Variants in CUBN observed in about 807,000 individuals in gnomAD.
CUBN encodes cubilin, also known as 460 kDa receptor.
Under a neutral mutation model 405.3 loss-of-function variants are expected in CUBN, and 282 were observed. The observed-to-expected ratio is 0.70, with a 90% CI of 0.63 to 0.77. The LOEUF (loss-of-function observed/expected upper bound fraction) is 0.77, where lower values mean the gene tolerates loss of function less well. Ranked by LOEUF, CUBN falls within the 30% of genes least tolerant of loss-of-function variation. CUBN has a pLI of 0.00. For synonymous variants in CUBN, 1,684 were observed against 1,617.0 expected (o/e 1.04, Z -0.99); for missense variants, 4,514 against 4,475.2 (o/e 1.01, Z -0.25).
chr10:16,901,513 A>T (rs1374794935), intron 51 of CUBN, 54 bp from the exon 52 acceptor site: 4 of 1,606,558 alleles, frequency 2.5e-6, no homozygotes, highest in Non-Finnish European at 3.4e-6. Flanking sequence ...AAAAGAACCG[A>T]TAATGCCAAA....
chr10:16,920,353 A>G lies in CUBN; in HGVS notation c.6647-216T>C, dbSNP rs11254275. On this transcript the variant is annotated intron_variant, in intron 43 of 66. Coordinates refer to ENST00000377833, the MANE Select transcript of CUBN (RefSeq NM_001081.4). ...TTTTATTTTGCCAGACCATTTATCT[A>G]TTCTCATTGGAAATTTCATTCTTTC... Among the ~76,000 whole-genome samples, 45,811 of 152,056 alleles carry G rather than the reference A, an allele frequency of 0.3. 7,173 individuals carry two copies. The highest frequency in any genetic ancestry group is 0.33 in the Non-Finnish European group (22,349 of 67,980).
rs555624198 is a variant in CUBN, at chr10:16,915,127, A to G, written c.7256T>C (p.Ile2419Thr). 2 of 1,614,030 alleles carry G rather than the reference A, an allele frequency of 1.2e-6. No homozygotes were observed. The highest frequency in any genetic ancestry group is 2.2e-5 in the East Asian group (1 of 44,880). The stretch of plus-strand genomic sequence containing the variant: ...CACAGCAGTATTGCTAGAAGTGTCT[A>G]TGCTGTCAGGAATGGTGTTTCCACA... The part of the protein sequence containing the change: ...RYCGNTIPDS[I>T]DTSSNTAVVR... Residue 2419 changes from isoleucine to threonine, a missense_variant, in exon 47 of 67, where the codon ATA (isoleucine) becomes ACA (threonine). This residue lies in a region of CUBN where 1,613 missense variants were observed against 1,542.8 expected (regional missense o/e 1.05). Coordinates refer to ENST00000377833, the MANE Select transcript of CUBN (RefSeq NM_001081.4).
chr10:16,916,625 A>G (rs1439418465), intron 45 of CUBN, among the ~76,000 whole-genome samples: 1 of 152,094 alleles, frequency 6.6e-6, no homozygotes, highest in East Asian at 1.9e-4. Flanking sequence ...GTAGTTAAAC[A>G]TTGTTACCAC....
intron 22 of CUBN, among the ~76,000 whole-genome samples, chr10:17,057,256 G>A (rs1000590738): frequency 2.0e-5 from 3 of 152,166 alleles, no homozygotes; most frequent in Non-Finnish European, 2.9e-5. Context: ...GAGGGTAGCA[G>A]CTTGGCGCAG....
chr10:17,011,438 C>T (rs930639572), intron 28 of CUBN, among the ~76,000 whole-genome samples: 27 of 151,942 alleles, frequency 1.8e-4, no homozygotes, highest in Admixed American at 7.2e-4. Flanking sequence ...TTGTTCCTCC[C>T]GGTGGGTTCG....
In CUBN at chr10:17,046,004, C is replaced by G; in HGVS notation, c.3420G>C (p.Trp1140Cys). The G allele has an allele frequency of 3.7e-6, 6 of 1,613,760 alleles. No individual in the cohort carries two copies. The highest frequency in any genetic ancestry group is 5.1e-6 in the Non-Finnish European group (6 of 1,179,746). The change falls in exon 24 of 67, where the codon TGG becomes TGC. Residue 1140 changes from tryptophan (W) to cysteine (C), a missense_variant. Trp to Cys is a radical substitution (Grantham distance 215). This residue lies in a region of CUBN where 1,448 missense variants were observed against 1,388.0 expected (regional missense o/e 1.04). Coordinates refer to ENST00000377833, the MANE Select transcript of CUBN (RefSeq NM_001081.4). Reference sequence around the variant, plus strand: ...CTATTTGGTCACTCTTAAATTTTAACCATAGTTTGTTACTATGAGAGATGA... The same window carrying G: ...CTATTTGGTCACTCTTAAATTTTAAGCATAGTTTGTTACTATGAGAGATGA... ...PTIISHSNKL[W>C]LKFKSDQIDT...
chr10:17,047,434 A>G lies in CUBN; in HGVS notation c.3309T>C (p.Tyr1103=), dbSNP rs996206372. ...CTGACCTGATTTCCAGAAAATCTGT[A>G]TAATAGTTTCCAATGGCTTCCTCCA... is the stretch of plus-strand genomic sequence containing the variant. ...FSLEEAIGNY[Y]TDFLEIRDGG... The change falls in exon 23 of 67, where the codon TAT becomes TAC. Residue 1103 remains tyrosine (Y), a synonymous_variant. Coordinates refer to ENST00000377833, the MANE Select transcript of CUBN (RefSeq NM_001081.4). 5 of 1,613,574 alleles carry G rather than the reference A, an allele frequency of 3.1e-6. No individual in the cohort carries two copies. Among genetic ancestry groups the G allele is most frequent in the Non-Finnish European group, 2.5e-6 (3 of 1,179,516 alleles).
chr10:16,842,572 G>A (rs531253977), intron 60 of CUBN, among the ~76,000 whole-genome samples: 1 of 151,984 alleles, frequency 6.6e-6, no homozygotes, highest in African/African-American at 2.4e-5. Context: ...ATCCCAGAGG[G>A]CTCCATCTCC....
At chr10:16,889,953 A>AAAAG (rs57009841) in intron 55 of CUBN, among the ~76,000 whole-genome samples, 57,402 of 117,242 alleles carry the variant, frequency 0.49, 16,964 homozygotes, top group Middle Eastern at 0.64. Flanking sequence ...AAAAAAAAAA[A>AAAAG]CAGGAAAGAC....
chr10:16,913,883 TC>T lies in CUBN; in HGVS notation c.7460del (p.Gly2487GlufsTer6). On this transcript the variant is annotated frameshift_variant, in exon 48 of 67. Coordinates refer to ENST00000377833, the MANE Select transcript of CUBN (RefSeq NM_001081.4). LOFTEE classifies it high-confidence loss of function. Reference sequence around the variant, plus strand: ...TGTTAAACATTAGGGTGATCCGCCTTCCCTCCGGGGCAGTGATTCTCCACTC... The same window carrying T: ...TGTTAAACATTAGGGTGATCCGCCTTCCTCCGGGGCAGTGATTCTCCACTC... Reference protein sequence around the residue: ...ICEWRITAPEGRRITLMFNNL... With the variant: ...ICEWRITAPEXRRITLMFNNL... 1 of 1,614,082 alleles carries T rather than the reference TC, an allele frequency of 6.2e-7. No individual in the cohort carries two copies. Among genetic ancestry groups the T allele is most frequent in the Non-Finnish European group, 8.5e-7 (1 of 1,180,030 alleles).
intron 14 of CUBN, among the ~76,000 whole-genome samples, chr10:17,093,208 G>T (rs1836302556): frequency 2.0e-5 from 3 of 152,130 alleles, no homozygotes; most frequent in African/African-American, 7.2e-5. Context: ...CCTCAAAAAT[G>T]TACAGGCATT....
intron 22 of CUBN, among the ~76,000 whole-genome samples, chr10:17,047,920 C>T (rs1158955962): frequency 6.6e-6 from 1 of 152,182 alleles, no homozygotes; most frequent in Admixed American, 6.5e-5. Flanking sequence ...GGATCCACTG[C>T]AGGAGGGCCT....
At chr10:16,983,648 A>G (rs1833341103) in intron 30 of CUBN, among the ~76,000 whole-genome samples, 3 of 152,242 alleles carry the variant, frequency 2.0e-5, no homozygotes, top group Admixed American at 2.0e-4. Context: ...GATTTTTGCT[A>G]TAGTTTAAAA....
In CUBN at chr10:16,993,911, T is replaced by A. The variant is rs189500702; in HGVS notation, c.4169-3396A>T. Among the ~76,000 whole-genome samples, 9 of 152,336 alleles carry A rather than the reference T, an allele frequency of 5.9e-5. No homozygotes were observed. The East Asian group carries it at 1.7e-3, about 29-fold the overall frequency. On this transcript the variant is annotated intron_variant, in intron 28 of 66. Transcript: ENST00000377833. ...GCTTGAAATCTCTGAAGTTTTCTTT[T>A]TCTCCTTCATGCTCTCACTACCTCT...
At chr10:16,904,629 TG>T (rs1467445643) in intron 50 of CUBN, among the ~76,000 whole-genome samples, 6 of 152,236 alleles carry the variant, frequency 3.9e-5, no homozygotes, top group African/African-American at 1.2e-4. Flanking sequence ...TTACATTTCG[TG>T]GGTTTGATGA....
At chr10:16,886,252 G>A (rs1457520810) in intron 56 of CUBN, among the ~76,000 whole-genome samples, 1 of 152,184 alleles carries the variant, frequency 6.6e-6, no homozygotes, top group Non-Finnish European at 1.5e-5. Flanking sequence ...TAGGAAAAAG[G>A]ATTAAGTGAG....
intron 26 of CUBN, among the ~76,000 whole-genome samples, chr10:17,042,817 T>C (rs1380537403): frequency 6.6e-6 from 1 of 152,164 alleles, no homozygotes; most frequent in Admixed American, 6.5e-5. Context: ...ACTCTTTCAG[T>C]TAATTCAAGG....
intron 6 of CUBN, among the ~76,000 whole-genome samples, chr10:17,120,905 G>C (rs1837024589): frequency 6.6e-6 from 1 of 152,136 alleles, no homozygotes; most frequent in African/African-American, 2.4e-5. Flanking sequence ...CTAGATATCA[G>C]GAAGGTCAGA....
intron 31 of CUBN, among the ~76,000 whole-genome samples, chr10:16,973,803 G>A (rs1833008901): frequency 6.6e-6 from 1 of 152,138 alleles, no homozygotes; most frequent in South Asian, 2.1e-4. Context: ...CATCCATGTT[G>A]CTGAAAAGGA....
Sources: gnomAD v4.1 joint callset for allele counts (sites outside exome capture counted in the v4.1 genomes callset) on GRCh38, gnomAD v4.1.1 for gene constraint, gnomAD v4.1.1 regional missense constraint, MANE v1.5 for transcripts, NCBI Gene and HGNC (gene_info 2026-07-23, HGNC 2026-07-21) for gene names.